The following PRR27 variants were observed in gnomAD, a reference collection of about 807,000 sequenced individuals.
PRR27 encodes the protein proline rich 27, also known as proline-rich protein 27.
A neutral mutation model predicts 16.8 loss-of-function variants in PRR27; 12 were observed. That is an observed-to-expected ratio of 0.71 (90% CI 0.46 to 1.16). The LOEUF (loss-of-function observed/expected upper bound fraction) is 1.16. Ranked by LOEUF, PRR27 falls within the 50% of genes most tolerant of loss-of-function variation. The probability of loss-of-function intolerance (pLI) is 0.00; values close to 1 mark genes in which losing one functional copy is unlikely to be tolerated. For missense variants in PRR27, 277 were observed against 273.3 expected, an observed-to-expected ratio of 1.01 and a Z score of -0.10; for synonymous variants, 100 against 98.4, an observed-to-expected ratio of 1.02 and a Z score of -0.10.
chr4:70,160,437 C>CTGTGTGTGTG (rs1413873981), intron 3 of PRR27, among the ~76,000 whole-genome samples: 17,815 of 74,958 alleles, frequency 0.24, 2,097 homozygotes, highest in Non-Finnish European at 0.33. Flanking sequence ...CTCTCTCTCT[C>CTGTGTGTGTG]TCTCTCTGTG....
At chr4:70,155,370 G>GT (rs113912464) in intron 1 of PRR27, among the ~76,000 whole-genome samples, 7,607 of 143,300 alleles carry the variant, frequency 0.053, 512 homozygotes, top group African/African-American at 0.16. Flanking sequence ...TATGTTTGTG[G>GT]TTTTTTTTTT....
At chr4:70,162,166 T>C (rs1465672019) in intron 4 of PRR27, among the ~76,000 whole-genome samples, 4 of 152,216 alleles carry the variant, frequency 2.6e-5, no homozygotes, top group Non-Finnish European at 5.9e-5. Flanking sequence ...AGCAAGAAAC[T>C]TGGCCATCTT....
At chr4:70,161,980 A>G (rs1015316519) in intron 4 of PRR27, among the ~76,000 whole-genome samples, 1 of 152,188 alleles carries the variant, frequency 6.6e-6, no homozygotes, top group Non-Finnish European at 1.5e-5. Flanking sequence ...AAGTTCTTAC[A>G]GATTATTCTG....
intron 2 of PRR27, among the ~76,000 whole-genome samples, chr4:70,156,512 T>C (rs1455469242): frequency 6.6e-6 from 1 of 152,218 alleles, no homozygotes; most frequent in Non-Finnish European, 1.5e-5. Flanking sequence ...GTCTTCAAGC[T>C]AGGAACCACT....
chr4:70,158,475 T>C lies in PRR27; in HGVS notation c.223T>C (p.Tyr75His), dbSNP rs1389809399. 2 of 1,614,160 alleles carry C rather than the reference T, an allele frequency of 1.2e-6. No individual in the cohort carries two copies. Among genetic ancestry groups the C allele is most frequent in the East Asian group, 2.2e-5 (1 of 44,882 alleles). ...NTYTDTGLPS[Y>H]PWILTSPGFP... The stretch of plus-strand genomic sequence containing the variant: ...TTACACTGACACAGGGTTACCTTCG[T>C]ATCCCTGGATTCTAACTTCTCCTGG... Residue 75 changes from tyrosine (Y) to histidine (H), a missense_variant, in exon 3 of 5, where the codon TAT becomes CAT. Coordinates refer to ENST00000344526, the MANE Select transcript of PRR27 (RefSeq NM_214711.4).
intron 1 of PRR27, 150 bp from the exon 2 acceptor site, chr4:70,155,904 A>AT (rs1485144144): frequency 5.2e-6 from 3 of 572,086 alleles, no homozygotes; most frequent in Non-Finnish European, 9.3e-6. Context: ...GATGACGATG[A>AT]TAAAAAAAAA....
chr4:70,159,753 C>G (rs1340979037), intron 3 of PRR27, among the ~76,000 whole-genome samples: 1 of 152,122 alleles, frequency 6.6e-6, no homozygotes, highest in African/African-American at 2.4e-5. Flanking sequence ...TATGCTTTTA[C>G]ACTTTATTAA....
intron 3 of PRR27, among the ~76,000 whole-genome samples, chr4:70,160,453 G>C (rs1222027000): frequency 4.5e-5 from 6 of 133,714 alleles, no homozygotes; most frequent in Admixed American, 1.5e-4. Flanking sequence ...CTGTGTGTGT[G>C]TGTGTGTGTG....
rs374008745 is a variant in PRR27, at chr4:70,161,590, A to G, written c.653A>G (p.Asn218Ser). 208 of 1,519,976 alleles carry G rather than the reference A, an allele frequency of 1.4e-4. No individual in the cohort carries two copies. Among genetic ancestry groups the G allele is most frequent in the Non-Finnish European group, 1.8e-4 (199 of 1,102,720 alleles). 94.2% of individuals were successfully genotyped at this position (1,519,976 alleles called of 1,614,324 possible). ...CTTTTTTTTAATGTTTTCTAGGCAA[A>G]TCAGTGAAATTCTCTAGAAGAGTAC... ...PHPSPSLEQA[N>S]Q Residue 218 changes from asparagine to serine, a missense_variant, in exon 4 of 5, where the codon AAT (asparagine) becomes AGT (serine). By Grantham distance (46) the Asn-to-Ser change is conservative (BLOSUM62 1). Transcript: ENST00000344526.
chr4:70,158,771 T>A lies in PRR27; in HGVS notation c.519T>A (p.Pro173=), dbSNP rs923241231. ...GAGCTGAGCCTGCTGCAGAGGCACC[T>A]GTTGCAGCTGAGCCTGCTGCAGAGG... is the stretch of plus-strand genomic sequence containing the variant. The part of the protein sequence containing the change: ...PVGAEPAAEA[P]VAAEPAAEAP... The change falls in exon 3 of 5, where the codon CCT becomes CCA. Residue 173 remains proline (P), a synonymous_variant. Coordinates refer to ENST00000344526, the MANE Select transcript of PRR27 (RefSeq NM_214711.4). 3.1e-6 allele frequency: 5 copies of A among 1,611,218 alleles called. No homozygotes were observed. Among genetic ancestry groups the A allele is most frequent in the African/African-American group, 1.3e-5 (1 of 74,590 alleles).
chr4:70,161,986 T>C (rs1326474752), intron 4 of PRR27, among the ~76,000 whole-genome samples: 2 of 152,184 alleles, frequency 1.3e-5, no homozygotes, highest in Non-Finnish European at 2.9e-5. Flanking sequence ...TTACAGATTA[T>C]TCTGTATGCT....
chr4:70,158,535 TTA>T lies in PRR27; in HGVS notation c.284_285del (p.Leu95CysfsTer12). 1.2e-6 allele frequency: 2 copies of T among 1,614,140 alleles called. No individual in the cohort carries two copies. The highest frequency in any genetic ancestry group is 1.7e-6 in the Non-Finnish European group (2 of 1,179,994). ...TGTCTATCACATCCGTGGTTTTCCCTTAGCTACTCAGTTGAATGTTCCTCCTC... is the reference window on the plus strand; with the variant it reads ...TGTCTATCACATCCGTGGTTTTCCCTGCTACTCAGTTGAATGTTCCTCCTC... ...PYVYHIRGFPLATQLNVPPLP... is the reference protein window; with the variant it reads ...PYVYHIRGFPXATQLNVPPLP... On this transcript the variant is annotated frameshift_variant, in exon 3 of 5. Coordinates refer to ENST00000344526, the MANE Select transcript of PRR27 (RefSeq NM_214711.4). LOFTEE classifies it high-confidence loss of function.
rs1186870550 is a variant in PRR27 at position 70,158,478 on chromosome 4, C to T, written c.226C>T (p.Pro76Ser). The T allele has an allele frequency of 5.0e-6, 8 of 1,614,040 alleles. No individual in the cohort carries two copies. The highest frequency in any genetic ancestry group is 6.8e-6 in the Non-Finnish European group (8 of 1,180,032). The change falls in exon 3 of 5, where the codon CCC becomes TCC. Residue 76 changes from proline to serine, a missense_variant. Physicochemically the swap from Pro to Ser is moderately conservative, Grantham distance 74 (BLOSUM62 -1). Coordinates refer to ENST00000344526, the MANE Select transcript of PRR27 (RefSeq NM_214711.4). ...CACTGACACAGGGTTACCTTCGTAT[C>T]CCTGGATTCTAACTTCTCCTGGATT... ...TYTDTGLPSY[P>S]WILTSPGFPY...
At chr4:70,160,772 G>C (rs1169097032) in intron 3 of PRR27, among the ~76,000 whole-genome samples, 4 of 151,548 alleles carry the variant, frequency 2.6e-5, no homozygotes, top group Non-Finnish European at 5.9e-5. Context: ...GAAGCAGCTA[G>C]TCCCTAAATT....
Position 70,165,953 on chromosome 4 carries a change from G to A in PRR27, c.*3292G>A, listed in dbSNP as rs1283956240. On this transcript the variant is annotated 3_prime_UTR_variant, in exon 5 of 5. Coordinates refer to ENST00000344526, the MANE Select transcript of PRR27 (RefSeq NM_214711.4). ...GTGGCCAGAAAGTCAGGACCTCAAA[G>A]AGGTATAAGTTTGTGTGTATAATTC... is the stretch of plus-strand genomic sequence containing the variant. 1 of 152,050 alleles carries A rather than the reference G, an allele frequency of 6.6e-6. No homozygotes were observed. The highest frequency in any genetic ancestry group is 6.6e-5 in the Admixed American group (1 of 15,252). The allele number at this position is 152,050 out of a possible 1,614,324, so 9.4% of individuals were successfully genotyped here. A position where few individuals can be genotyped will look rare whatever the true frequency, so the allele number is the denominator to read the frequency against.
In PRR27 at chr4:70,158,484, A is replaced by G; in HGVS notation, c.232A>G (p.Ile78Val). ...TDTGLPSYPW[I>V]LTSPGFPYVY... The stretch of plus-strand genomic sequence containing the variant: ...CACAGGGTTACCTTCGTATCCCTGG[A>G]TTCTAACTTCTCCTGGATTCCCCTA... The change falls in exon 3 of 5, where the codon ATT becomes GTT. Residue 78 changes from isoleucine to valine, a missense_variant. Coordinates refer to ENST00000344526, the MANE Select transcript of PRR27 (RefSeq NM_214711.4). The G allele has an allele frequency of 6.2e-7, 1 of 1,614,106 alleles. No homozygotes were observed. Among genetic ancestry groups the G allele is most frequent in the Non-Finnish European group, 8.5e-7 (1 of 1,180,006 alleles).
intron 2 of PRR27, among the ~76,000 whole-genome samples, chr4:70,156,967 T>A (rs1728496823): frequency 6.6e-6 from 1 of 152,186 alleles, no homozygotes; most frequent in Non-Finnish European, 1.5e-5. Flanking sequence ...TGTATACATG[T>A]GCCATGTTGG....
chr4:70,157,570 G>A lies in PRR27; in HGVS notation c.76-758G>A, dbSNP rs140965936. On this transcript the variant is annotated intron_variant, in intron 2 of 4. Coordinates refer to ENST00000344526, the MANE Select transcript of PRR27 (RefSeq NM_214711.4). ...AGTCTCACTCTGTTGCCAGGCTGGA[G>A]TGCAGTGGCCTGATCTCAGCTCACT... Among the ~76,000 whole-genome samples the A allele has an allele frequency of 3.9e-3, 591 of 152,020 alleles. 7 individuals carry two copies. Among genetic ancestry groups the A allele is most frequent in the African/African-American group, 0.012 (499 of 41,456 alleles).
Position 70,166,490 on chromosome 4 carries a change from C to T in PRR27, c.*3829C>T, listed in dbSNP as rs956642286. On this transcript the variant is annotated 3_prime_UTR_variant, in exon 5 of 5. Coordinates refer to ENST00000344526, the MANE Select transcript of PRR27 (RefSeq NM_214711.4). ...ATCTTTTTTAAATGACTACATATGT[C>T]GATAAGTTACAAAATCCATATATGA... The T allele has an allele frequency of 1.3e-5, 2 of 151,938 alleles. No individual in the cohort carries two copies. Among genetic ancestry groups the T allele is most frequent in the Non-Finnish European group, 2.9e-5 (2 of 67,946 alleles). The allele number at this position is 151,938 out of a possible 1,614,324, so 9.4% of individuals were successfully genotyped here. A position where few individuals can be genotyped will look rare whatever the true frequency, so the allele number is the denominator to read the frequency against.
Sources: allele counts gnomAD v4.1 joint callset (sites outside exome capture counted in the v4.1 genomes callset), GRCh38; gene constraint gnomAD v4.1.1; transcripts MANE v1.5; gene names NCBI Gene and HGNC (gene_info 2026-07-23, HGNC 2026-07-21).